Variants in NAV2 observed in about 807,000 individuals in gnomAD.
NAV2 encodes helicase, APC down-regulated 1.
Under a neutral mutation model 223.2 loss-of-function variants are expected in NAV2, and 54 were observed. The ratio of observed to expected loss-of-function variants is 0.24; its 90% confidence interval spans 0.19 to 0.30. The LOEUF is 0.30. Ranked by LOEUF, NAV2 falls within the 10% of genes least tolerant of loss-of-function variation. NAV2 has a pLI of 1.00. For missense variants in NAV2, 2,806 were observed against 3,147.5 expected (o/e 0.89, Z 2.60); for synonymous variants, 1,279 against 1,239.3 (o/e 1.03, Z -0.67).
At chr11:19,756,858 C>T (rs762262943) in intron 1 of NAV2, among the ~76,000 whole-genome samples, 9 of 152,172 alleles carry the variant, frequency 5.9e-5, no homozygotes, top group South Asian at 2.1e-4. Flanking sequence ...TTGGATTTCT[C>T]GGACTTCACG....
chr11:19,423,580 T>C (rs1269134823), intron 1 of NAV2, among the ~76,000 whole-genome samples: 1 of 152,250 alleles, frequency 6.6e-6, no homozygotes, highest in African/African-American at 2.4e-5. Flanking sequence ...CTGTACCATG[T>C]ACAACACACA....
chr11:19,744,282 C>T (rs374468360), intron 1 of NAV2, among the ~76,000 whole-genome samples: 13 of 152,314 alleles, frequency 8.5e-5, no homozygotes, highest in African/African-American at 2.9e-4. Context: ...TGCAGGCCTT[C>T]ACTGTGCAGA....
intron 1 of NAV2, among the ~76,000 whole-genome samples, chr11:19,480,461 C>G (rs2042244456): frequency 6.6e-6 from 1 of 152,172 alleles, no homozygotes; most frequent in Non-Finnish European, 1.5e-5. Flanking sequence ...TTGCCAACTT[C>G]AGTCAGAGGG....
chr11:19,491,333 T>C (rs1281138689), intron 1 of NAV2, among the ~76,000 whole-genome samples: 2 of 152,226 alleles, frequency 1.3e-5, no homozygotes, highest in Non-Finnish European at 1.5e-5. Flanking sequence ...TAGAATGCTG[T>C]TTCATATTCA....
At chr11:20,095,476 G>A (rs765086735) in intron 29 of NAV2, among the ~76,000 whole-genome samples, 196 bp from the exon 30 acceptor site, 85 of 152,138 alleles carry the variant, frequency 5.6e-4, no homozygotes, top group Non-Finnish European at 8.4e-4. Context: ...CTCTTGGACC[G>A]CTGTTTTAGC....
intron 3 of NAV2, among the ~76,000 whole-genome samples, chr11:19,863,492 C>T (rs1259270208): frequency 6.6e-6 from 1 of 152,130 alleles, no homozygotes; most frequent in Non-Finnish European, 1.5e-5. Flanking sequence ...CTCTTTATTC[C>T]TTCAGTAAAC....
intron 1 of NAV2, among the ~76,000 whole-genome samples, chr11:19,778,572 T>A (rs1030950346): frequency 6.6e-6 from 1 of 152,120 alleles, no homozygotes; most frequent in Non-Finnish European, 1.5e-5. Context: ...AGCAGCTGCA[T>A]TGGATACCAA....
intron 1 of NAV2, among the ~76,000 whole-genome samples, chr11:19,587,573 G>C (rs1292435370): frequency 2.0e-5 from 3 of 152,126 alleles, no homozygotes; most frequent in African/African-American, 7.2e-5. Context: ...AGGGCTTTTT[G>C]GTCCTCATAG....
In NAV2 at chr11:19,412,925, C is replaced by T. The variant is rs184706062; in HGVS notation, c.75+61898C>T. ...ACACAAAAACCCCATCTGAAGGTCA[C>T]CAACATCAAAGACCAAAGGTGGATA... is the stretch of plus-strand genomic sequence containing the variant. On this transcript the variant is annotated intron_variant, in intron 1 of 37. Transcript: ENST00000360655. Among the ~76,000 whole-genome samples the T allele has an allele frequency of 7.2e-3, 1,090 of 152,280 alleles. 7 individuals carry two copies. The highest frequency in any genetic ancestry group is 0.013 in the Non-Finnish European group (874 of 68,028).
rs538804257 is a variant in NAV2 at position 19,983,538 on chromosome 11, C to T, written c.2646-587C>T. On this transcript the variant is annotated intron_variant, in intron 10 of 37. Transcript: ENST00000349880. Reference sequence around the variant, plus strand: ...TTTCATATTCCTTATCTCACTAATTCTCATGCCCATGTTGTGATATTCCCA... The same window carrying T: ...TTTCATATTCCTTATCTCACTAATTTTCATGCCCATGTTGTGATATTCCCA... Among the ~76,000 whole-genome samples, 5 of 152,286 alleles carry T rather than the reference C, an allele frequency of 3.3e-5. No individual in the cohort carries two copies. In the South Asian group the frequency reaches 1.0e-3, roughly 32 times the overall value.
At chr11:19,935,864 T>TTTTTTTTTATTTTTG (rs2045835331) in intron 7 of NAV2, among the ~76,000 whole-genome samples, 1 of 101,154 alleles carries the variant, frequency 9.9e-6, no homozygotes, top group African/African-American at 3.5e-5. Flanking sequence ...TTTTTTTTTT[T>TTTTTTTTTATTTTTG]TTTTTTTTTT....
intron 11 of NAV2, among the ~76,000 whole-genome samples, chr11:20,024,501 C>T (rs1355720684): frequency 6.6e-6 from 1 of 152,218 alleles, no homozygotes; most frequent in Non-Finnish European, 1.5e-5. Context: ...AGAAGATCTA[C>T]ACCCAGCATA....
intron 1 of NAV2, among the ~76,000 whole-genome samples, chr11:19,598,044 T>A (rs2046252860): frequency 6.6e-6 from 1 of 152,232 alleles, no homozygotes; most frequent in South Asian, 2.1e-4. Flanking sequence ...GCCCTTCTGC[T>A]GCCCTGGGGG....
At chr11:19,642,864 T>C (rs1357821249) in intron 1 of NAV2, among the ~76,000 whole-genome samples, 1 of 152,156 alleles carries the variant, frequency 6.6e-6, no homozygotes, top group East Asian at 1.9e-4. Context: ...ACCAACCCTG[T>C]ATTCACAGTG....
intron 11 of NAV2, 41 bp downstream of exon 11, chr11:19,984,288 A>G (rs1458565949): frequency 5.0e-6 from 8 of 1,607,436 alleles, no homozygotes; most frequent in Non-Finnish European, 6.8e-6. Flanking sequence ...TGCAGAGGTG[A>G]TCCCAGGGGG....
intron 12 of NAV2, among the ~76,000 whole-genome samples, chr11:20,037,458 G>T (rs1232566571): frequency 6.6e-6 from 1 of 151,374 alleles, no homozygotes; most frequent in Non-Finnish European, 1.5e-5. Flanking sequence ...AATACATTAG[G>T]TGTTGCCCCT....
At chr11:19,858,578 G>A (rs1049723169) in intron 3 of NAV2, among the ~76,000 whole-genome samples, 2 of 152,174 alleles carry the variant, frequency 1.3e-5, no homozygotes, top group Non-Finnish European at 2.9e-5. Context: ...TTGTCAATGG[G>A]AGTTCTTATG....
chr11:19,395,441 AGAAT>A (rs1295833785), intron 1 of NAV2, among the ~76,000 whole-genome samples: 1 of 152,220 alleles, frequency 6.6e-6, no homozygotes, highest in Non-Finnish European at 1.5e-5. Flanking sequence ...TAGTCTGTGG[AGAAT>A]GGCCAGACAT....
At chr11:19,741,066 A>G (rs1037559817) in intron 1 of NAV2, among the ~76,000 whole-genome samples, 1 of 152,242 alleles carries the variant, frequency 6.6e-6, no homozygotes, top group Non-Finnish European at 1.5e-5. Flanking sequence ...ATTTTCAAAG[A>G]TGGGAATGTA....
Sources: allele counts gnomAD v4.1 joint callset (sites outside exome capture counted in the v4.1 genomes callset), GRCh38; gene constraint gnomAD v4.1.1; transcripts MANE v1.5; gene names NCBI Gene and HGNC (gene_info 2026-07-23, HGNC 2026-07-21).